The following PLCB4 variants were observed in gnomAD, a reference collection of about 807,000 sequenced individuals.
PLCB4 encodes phospholipase C beta 4.
In PLCB4, 77 loss-of-function variants were observed where a neutral mutation model predicts 178.8. The ratio of observed to expected loss-of-function variants is 0.43; its 90% CI spans 0.36 to 0.52. PLCB4 has a LOEUF of 0.52. Ranked by LOEUF, PLCB4 falls within the 20% of genes least tolerant of loss-of-function variation. The probability of loss-of-function intolerance (pLI) is 0.00; values close to 1 mark genes in which losing one functional copy is unlikely to be tolerated. For synonymous variants in PLCB4, 496 were observed against 490.8 expected, an observed-to-expected ratio of 1.01 and a Z score of -0.14; for missense variants, 1,024 against 1,453.4, an observed-to-expected ratio of 0.70 and a Z score of 4.80.
chr20:9,078,408 A>G (rs186803149), intron 1 of PLCB4, among the ~76,000 whole-genome samples: 19 of 147,710 alleles, frequency 1.3e-4, no homozygotes, highest in Non-Finnish European at 2.4e-4. Flanking sequence ...TTTTTTTGAG[A>G]TGGAATGTCA....
chr20:9,348,235 T>C (rs2034003508), intron 7 of PLCB4, among the ~76,000 whole-genome samples: 1 of 152,112 alleles, frequency 6.6e-6, no homozygotes, highest in African/African-American at 2.4e-5. Context: ...GATCCTGAGA[T>C]AGAATGCAAG....
chr20:9,213,556 G>C (rs908896670), intron 2 of PLCB4, among the ~76,000 whole-genome samples: 30 of 152,276 alleles, frequency 2.0e-4, no homozygotes, highest in African/African-American at 6.3e-4. Context: ...TTGTTAATAT[G>C]TTTATCAGTT....
chr20:9,167,559 T>A (rs942989282), intron 2 of PLCB4, among the ~76,000 whole-genome samples: 1 of 152,208 alleles, frequency 6.6e-6, no homozygotes, highest in African/African-American at 2.4e-5. Context: ...ACTTATTCAT[T>A]GTCTTGGAAA....
chr20:9,104,935 A>G (rs956293714), intron 2 of PLCB4, among the ~76,000 whole-genome samples: 21 of 152,090 alleles, frequency 1.4e-4, no homozygotes, highest in Non-Finnish European at 1.0e-4. Flanking sequence ...TATATTTTAT[A>G]TGCTCTACTA....
At chr20:9,186,292 T>G (rs1025283939) in intron 2 of PLCB4, among the ~76,000 whole-genome samples, 3 of 152,132 alleles carry the variant, frequency 2.0e-5, no homozygotes, top group Non-Finnish European at 2.9e-5. Flanking sequence ...CAAAAGAAAG[T>G]TTTTTAAAAA....
chr20:9,285,728 A>G (rs2094531057), intron 3 of PLCB4, among the ~76,000 whole-genome samples: 2 of 152,034 alleles, frequency 1.3e-5, no homozygotes. Context: ...AAGTTGTTTT[A>G]GATCCTAGAA....
chr20:9,302,630 C>T (rs2094719375), intron 3 of PLCB4, among the ~76,000 whole-genome samples: 4 of 152,120 alleles, frequency 2.6e-5, no homozygotes, highest in Admixed American at 2.6e-4. Context: ...TGAACTTTCA[C>T]CTCCACTGCA....
intron 20 of PLCB4, among the ~76,000 whole-genome samples, chr20:9,403,824 C>G (rs1332973770): frequency 6.6e-6 from 1 of 152,156 alleles, no homozygotes; most frequent in Non-Finnish European, 1.5e-5. Flanking sequence ...TAAAGAGACA[C>G]CTTTAGGCTA....
At chr20:9,426,420 C>A (rs1343002172) in intron 28 of PLCB4, among the ~76,000 whole-genome samples, 1 of 151,988 alleles carries the variant, frequency 6.6e-6, no homozygotes, top group Non-Finnish European at 1.5e-5. Context: ...CTCTTGTCAC[C>A]CAGGCTGGAG....
intron 12 of PLCB4, among the ~76,000 whole-genome samples, chr20:9,374,996 G>A (rs2036552098): frequency 6.6e-6 from 1 of 151,998 alleles, no homozygotes; most frequent in Non-Finnish European, 1.5e-5. Flanking sequence ...ATTTTGGGGT[G>A]TGACTGATGG....
intron 14 of PLCB4, 41 bp from the exon 15 acceptor site, chr20:9,387,422 C>T: frequency 1.0e-6 from 1 of 974,712 alleles, no homozygotes; most frequent in Non-Finnish European, 1.6e-6. Flanking sequence ...AACACTATTT[C>T]ATTGTAAAGT....
At chr20:9,406,491 A>C (rs1019735632) in intron 21 of PLCB4, among the ~76,000 whole-genome samples, 1 of 142,694 alleles carries the variant, frequency 7.0e-6, no homozygotes, top group Non-Finnish European at 1.5e-5. Context: ...CAAATTGACC[A>C]TTTTTTTTTT....
At chr20:9,428,755 C>A (rs2041199546) in intron 28 of PLCB4, among the ~76,000 whole-genome samples, 1 of 151,196 alleles carries the variant, frequency 6.6e-6, no homozygotes. Flanking sequence ...CAGGAGTGAG[C>A]ACATAGGGGT....
At chr20:9,406,701 T>C (rs1050040374) in intron 21 of PLCB4, among the ~76,000 whole-genome samples, 1 of 152,058 alleles carries the variant, frequency 6.6e-6, no homozygotes, top group Non-Finnish European at 1.5e-5. Context: ...TTCACAGTGT[T>C]CACCAGGATG....
chr20:9,087,940 C>T (rs2090507279), intron 1 of PLCB4, among the ~76,000 whole-genome samples: 1 of 152,176 alleles, frequency 6.6e-6, no homozygotes, highest in Non-Finnish European at 1.5e-5. Flanking sequence ...AACATGACAA[C>T]CTTCCATAGT....
chr20:9,203,782 T>G (rs1054461570), intron 2 of PLCB4, among the ~76,000 whole-genome samples: 9 of 42,350 alleles, frequency 2.1e-4, no homozygotes, highest in Non-Finnish European at 3.3e-4. Context: ...ATAGTGTTTT[T>G]TTTTTTTTTT....
chr20:9,164,104 G>T (rs1254579079), intron 2 of PLCB4, among the ~76,000 whole-genome samples: 2 of 152,216 alleles, frequency 1.3e-5, no homozygotes, highest in African/African-American at 4.8e-5. Context: ...CAATAAACTT[G>T]TTTTACTTTA....
intron 37 of PLCB4, 53 bp from the exon 38 acceptor site, chr20:9,473,226 T>C: frequency 8.5e-7 from 1 of 1,174,202 alleles, no homozygotes; most frequent in Non-Finnish European, 1.2e-6. Context: ...ATCCCTGTTT[T>C]AAGATTGTAA....
intron 25 of PLCB4, among the ~76,000 whole-genome samples, chr20:9,419,309 A>G (rs1160239313): frequency 6.6e-6 from 1 of 152,198 alleles, no homozygotes; most frequent in Admixed American, 6.5e-5. Context: ...ACCAATGTAA[A>G]TCACAGACAT....
Sources: gnomAD v4.1 joint callset for allele counts (sites outside exome capture counted in the v4.1 genomes callset) on GRCh38, gnomAD v4.1.1 for gene constraint, MANE v1.5 for transcripts, NCBI Gene and HGNC (gene_info 2026-07-23, HGNC 2026-07-21) for gene names.